The following ACBD5 variants were observed in gnomAD, a reference collection of about 807,000 sequenced individuals.
The protein encoded by ACBD5 is acyl-CoA binding domain containing 5, also known as acyl-CoA-binding domain-containing protein 5.
Under a neutral mutation model 71.8 loss-of-function variants are expected in ACBD5, and 40 were observed. That is an observed-to-expected ratio of 0.56 (90% CI 0.43 to 0.72). The LOEUF (loss-of-function observed/expected upper bound fraction) is 0.72. Ranked by LOEUF, ACBD5 falls within the 30% of genes least tolerant of loss-of-function variation. ACBD5 has a pLI of 0.00. For missense variants in ACBD5, 559 were observed against 644.5 expected (o/e 0.87, Z 1.44); for synonymous variants, 229 against 218.6 (o/e 1.05, Z -0.42).
intron 13 of ACBD5, among the ~76,000 whole-genome samples, chr10:27,182,999 G>A (rs2058415728): frequency 6.6e-6 from 1 of 152,068 alleles, no homozygotes; most frequent in South Asian, 2.1e-4. Context: ...TAAAGTTAAG[G>A]AAATACAGGA....
At position 27,235,088 on chromosome 10, in the gene ACBD5, T is replaced by G. The variant is rs766584270; in HGVS notation, c.302+4A>C. On this transcript the variant is annotated splice_donor_region_variant and intron_variant, in intron 3 of 12. Transcript: ENST00000396271. ...TTCTTGCATAGCTCTACACAAAAAATTACCATTTATATCTTCCAATAGGAT... is the reference window on the plus strand; with the variant it reads ...TTCTTGCATAGCTCTACACAAAAAAGTACCATTTATATCTTCCAATAGGAT... 1.2e-6 allele frequency: 2 copies of G among 1,613,628 alleles called. No individual in the cohort carries two copies. Among genetic ancestry groups the G allele is most frequent in the Non-Finnish European group, 1.7e-6 (2 of 1,179,820 alleles).
At chr10:27,189,651 G>T (rs2058988024) in intron 13 of ACBD5, among the ~76,000 whole-genome samples, 1 of 149,156 alleles carries the variant, frequency 6.7e-6, no homozygotes, top group Non-Finnish European at 1.5e-5. Context: ...AGCATTAGGA[G>T]ATATACCTAA....
At chr10:27,219,119 T>A (rs938243708) in intron 6 of ACBD5, among the ~76,000 whole-genome samples, 6 of 151,964 alleles carry the variant, frequency 3.9e-5, no homozygotes, top group African/African-American at 1.5e-4. Flanking sequence ...CTGGTCAACA[T>A]GGTGACATCC....
Position 27,188,570 on chromosome 10 carries a change from G to A in ACBD5, c.1494-5855C>T, listed in dbSNP as rs372450013. Among the ~76,000 whole-genome samples the A allele has an allele frequency of 2.6e-5, 4 of 151,206 alleles. No individual in the cohort carries two copies. The East Asian group carries it at 5.8e-4, about 22-fold the overall frequency. ...GGACTTGAAACATTACTGAATAATC[G>A]GGGAAATGTTCTCTGAGCATATTCC... On this transcript the variant is annotated intron_variant, in intron 13 of 13. Coordinates refer to the ACBD5 transcript ENST00000676511.
chr10:27,239,792 G>A (rs2065230336), intron 2 of ACBD5, among the ~76,000 whole-genome samples: 1 of 152,188 alleles, frequency 6.6e-6, no homozygotes, highest in Non-Finnish European at 1.5e-5. Flanking sequence ...TGTCGCCCAG[G>A]CTGGAGTGCA....
chr10:27,208,399 C>T lies in ACBD5; in HGVS notation c.1251G>A (p.Val417=). 6.2e-7 allele frequency: 1 copy of T among 1,614,198 alleles called. No homozygotes were observed. The highest frequency in any genetic ancestry group is 8.5e-7 in the Non-Finnish European group (1 of 1,180,046). ...HLSEGTKGRQ[V]GSGGDGERWG... is the part of the protein sequence containing the mutation. The stretch of plus-strand genomic sequence containing the variant: ...AGCGCTCCCCATCACCTCCACTTCC[C>T]ACCTGCCGGCCCTTGGTTCCTTCGC... The change falls in exon 10 of 13, where the codon GTG becomes GTA. Residue 417 remains valine (V), a synonymous_variant. Transcript: ENST00000396271.
chr10:27,227,631 C>T (rs2063251352), intron 4 of ACBD5, among the ~76,000 whole-genome samples: 1 of 152,178 alleles, frequency 6.6e-6, no homozygotes, highest in South Asian at 2.1e-4. Flanking sequence ...CCTCAGTACT[C>T]AGAGACAGTT....
rs141431716 is a variant in ACBD5 at position 27,218,056 on chromosome 10, G to C, written c.753C>G (p.Gly251=). 1.9e-6 allele frequency: 3 copies of C among 1,614,114 alleles called. 1 individual carries two copies. The South Asian group carries it at 3.3e-5, about 18-fold the overall frequency. Residue 251 remains glycine, a synonymous_variant, in exon 7 of 13, where the codon GGC becomes GGG. Coordinates refer to ENST00000396271, the MANE Select transcript of ACBD5 (RefSeq NM_145698.5). The stretch of plus-strand genomic sequence containing the variant: ...TGGGCTTTACTTCTTCAGTGCTTCT[G>C]CCATTCAGGGAAGAACTGGCATGAA... ...NDIHASSSLN[G]RSTEEVKPID... is the part of the protein sequence containing the mutation.
intron 12 of ACBD5, among the ~76,000 whole-genome samples, chr10:27,204,117 C>T (rs928541995): frequency 1.1e-5 from 1 of 87,898 alleles, no homozygotes; most frequent in Non-Finnish European, 2.0e-5. Context: ...CCAGCCTGGG[C>T]AACAAAACGG....
At chr10:27,202,164 T>G (rs540289056) in intron 12 of ACBD5, among the ~76,000 whole-genome samples, 1 of 152,328 alleles carries the variant, frequency 6.6e-6, no homozygotes, top group Admixed American at 6.5e-5. Flanking sequence ...ACTATCAGAT[T>G]AAAAATTGCT....
chr10:27,192,971 CAA>C (rs796167980), downstream of ACBD5, among the ~76,000 whole-genome samples: 1 of 126,256 alleles, frequency 7.9e-6, no homozygotes, highest in Admixed American at 7.9e-5. Flanking sequence ...GACTCCGTTT[CAA>C]AAAAAAAAAA....
In ACBD5 at chr10:27,208,307, T is replaced by G; in HGVS notation, c.1343A>C (p.Gln448Pro). The G allele has an allele frequency of 6.2e-7, 1 of 1,614,214 alleles. No individual in the cohort carries two copies. The highest frequency in any genetic ancestry group is 8.5e-7 in the Non-Finnish European group (1 of 1,180,038). ...CTGAAGGACATTCTGCATGTCCTCC[T>G]GCAGTCTCATCAGCACGAGGGCGAT... ...EQIALVLMRLQEDMQNVLQRL... is the reference protein window; with the variant it reads ...EQIALVLMRLPEDMQNVLQRL... Residue 448 changes from glutamine to proline, a missense_variant, in exon 10 of 13, where the codon CAG becomes CCG. Physicochemically the swap from Gln to Pro is moderately conservative, Grantham distance 76 (BLOSUM62 -1). Transcript: ENST00000396271.
In ACBD5 at chr10:27,202,790, T is replaced by C. The variant is rs373685590; in HGVS notation, c.1565+1650A>G. Among the ~76,000 whole-genome samples the C allele has an allele frequency of 1.1e-3, 164 of 152,226 alleles. 1 individual carries two copies. Among genetic ancestry groups the C allele is most frequent in the African/African-American group, 3.7e-3 (155 of 41,558 alleles). On this transcript the variant is annotated intron_variant, in intron 12 of 12. Coordinates refer to ENST00000396271, the MANE Select transcript of ACBD5 (RefSeq NM_145698.5). The stretch of plus-strand genomic sequence containing the variant: ...ATCTCCCCATAAGCAGCAGTGGCAC[T>C]GAGCCCTGCTGCTTATATCCAGCAT...
intron 3 of ACBD5, 138 bp from the exon 4 acceptor site, chr10:27,231,958 G>C: frequency 2.5e-6 from 2 of 794,564 alleles, no homozygotes; most frequent in Admixed American, 4.4e-5. Flanking sequence ...TCTTAAATGT[G>C]CTACCATGAA....
intron 2 of ACBD5, among the ~76,000 whole-genome samples, chr10:27,237,627 T>TTTTA (rs1174890040): frequency 6.7e-6 from 1 of 150,090 alleles, no homozygotes; most frequent in Non-Finnish European, 1.5e-5. Flanking sequence ...ATATCTTTTT[T>TTTTA]TTTTTTTTTT....
Position 27,240,302 on chromosome 10 carries a change from G to A in ACBD5, c.181+17C>T. The A allele has an allele frequency of 6.2e-7, 1 of 1,614,028 alleles. No homozygotes were observed. The highest frequency in any genetic ancestry group is 1.1e-5 in the South Asian group (1 of 91,074). On this transcript the variant is annotated intron_variant, in intron 2 of 12. Transcript: ENST00000396271. This position sits in a 1 kb window ranked among gnomAD's most constrained non-coding sequence, Gnocchi z 4.1. ...TCTCTGCAGGAGGCGTCTACAGCCG[G>A]GGCCCAGCGCACGTACCATTCTTCG...
chr10:27,218,270 C>A, intron 6 of ACBD5, 87 bp from the exon 7 acceptor site: 1 of 1,050,574 alleles, frequency 9.5e-7, no homozygotes, highest in East Asian at 2.4e-5. Flanking sequence ...CTGTTATTTC[C>A]CTAACCTACC....
rs759687298 is a variant in ACBD5 at position 27,235,103 on chromosome 10, T to A, written c.291A>T (p.Gly97=). ...LSRPGFWDPI[G]RYKWDAWSSL... ...ACACAAAAAATTACCATTTATATCT[T>A]CCAATAGGATCCCAAAATCCAGGCC... Residue 97 remains glycine (G), a synonymous_variant, in exon 3 of 13, where the codon GGA becomes GGT. Transcript: ENST00000396271. 2.5e-6 allele frequency: 4 copies of A among 1,613,934 alleles called. No individual in the cohort carries two copies. The highest frequency in any genetic ancestry group is 3.4e-6 in the Non-Finnish European group (4 of 1,179,912).
At chr10:27,210,651 A>G (rs886620782) in intron 9 of ACBD5, among the ~76,000 whole-genome samples, 163 bp downstream of exon 9, 11 of 152,140 alleles carry the variant, frequency 7.2e-5, no homozygotes, top group African/African-American at 2.7e-4. Flanking sequence ...CCAGCTACTC[A>G]GGAGGCTGAG....
Sources: allele counts gnomAD v4.1 joint callset (sites outside exome capture counted in the v4.1 genomes callset), GRCh38; gene constraint gnomAD v4.1.1; non-coding constraint Gnocchi (gnomAD v3.1); transcripts MANE v1.5; gene names NCBI Gene and HGNC (gene_info 2026-07-23, HGNC 2026-07-21).